The following HIPK2 variants were observed in gnomAD, a reference collection of about 807,000 sequenced individuals.
HIPK2 encodes homeodomain-interacting protein kinase 2.
HIPK2 carries 27 observed loss-of-function variants against 113.7 expected under a neutral mutation model. The ratio of observed to expected loss-of-function variants is 0.24; its 90% CI spans 0.17 to 0.33. The LOEUF is 0.33. Ranked by LOEUF, HIPK2 falls within the 10% of genes least tolerant of loss-of-function variation. The pLI is 1.00. For missense variants in HIPK2, 1,257 were observed against 1,588.0 expected (o/e 0.79, Z 3.54); for synonymous variants, 631 against 642.2 (o/e 0.98, Z 0.26).
chr7:139,573,923 C>T (rs982377462), intron 14 of HIPK2, among the ~76,000 whole-genome samples: 3 of 152,024 alleles, frequency 2.0e-5, no homozygotes, highest in South Asian at 2.1e-4. Flanking sequence ...GGATGATACA[C>T]GGATAAAGCC....
At chr7:139,666,983 C>A (rs1306258253) in intron 2 of HIPK2, among the ~76,000 whole-genome samples, 2 of 151,934 alleles carry the variant, frequency 1.3e-5, no homozygotes, top group African/African-American at 2.4e-5. Context: ...ATCGCTTGAA[C>A]CTTGTTGGGG....
intron 13 of HIPK2, among the ~76,000 whole-genome samples, chr7:139,578,836 A>G (rs747688988): frequency 5.3e-5 from 8 of 151,748 alleles, no homozygotes; most frequent in Non-Finnish European, 1.2e-4. Flanking sequence ...AAACCTGGCT[A>G]TTTTTTGTAT....
At position 139,614,166 on chromosome 7, in the gene HIPK2, T is replaced by C. The variant is rs949962931; in HGVS notation, c.1990+120A>G. 4.1e-6 allele frequency: 4 copies of C among 986,384 alleles called. No homozygotes were observed. The African/African-American group carries it at 6.7e-5, about 17-fold the overall frequency. The allele number at this position is 986,384 out of a possible 1,614,324, so 61.1% of individuals were successfully genotyped here. A position where few individuals can be genotyped will look rare whatever the true frequency, so the allele number is the denominator to read the frequency against. ...AGTTCAGTGATACCAGCGCTCTCACTGGAAGAAATGAGGAGGGCCTTTCTC... is the reference window on the plus strand; with the variant it reads ...AGTTCAGTGATACCAGCGCTCTCACCGGAAGAAATGAGGAGGGCCTTTCTC... On this transcript the variant is annotated intron_variant, in intron 8 of 14. Transcript: ENST00000406875.
intron 12 of HIPK2, among the ~76,000 whole-genome samples, chr7:139,588,908 G>T (rs1398583352): frequency 1.3e-5 from 2 of 152,212 alleles, no homozygotes; most frequent in African/African-American, 4.8e-5. Context: ...GCTCCCGAGG[G>T]GAGGTGAGGA....
At chr7:139,666,757 C>T (rs962691069) in intron 2 of HIPK2, among the ~76,000 whole-genome samples, 1 of 152,072 alleles carries the variant, frequency 6.6e-6, no homozygotes, top group Non-Finnish European at 1.5e-5. Context: ...ATGAAGAAAA[C>T]AAAATTTAAA....
intron 2 of HIPK2, among the ~76,000 whole-genome samples, chr7:139,665,257 T>C (rs768810738): frequency 1.2e-4 from 18 of 152,170 alleles, no homozygotes; most frequent in Non-Finnish European, 2.1e-4. Flanking sequence ...CAGGCTGGTA[T>C]TGAACTCCTG....
At chr7:139,679,596 C>T (rs915297189) in intron 2 of HIPK2, among the ~76,000 whole-genome samples, 2 of 152,164 alleles carry the variant, frequency 1.3e-5, no homozygotes, top group Non-Finnish European at 2.9e-5. Context: ...GGGGAAAATT[C>T]CAGGAGAGCT....
intron 1 of HIPK2, among the ~76,000 whole-genome samples, chr7:139,737,835 A>C (rs1177340461): frequency 6.6e-6 from 1 of 152,266 alleles, no homozygotes; most frequent in Non-Finnish European, 1.5e-5. Context: ...TTTTACTCAC[A>C]GGAAATCTTT....
Position 139,600,461 on chromosome 7 carries a change from G to A in HIPK2, c.2391C>T (p.Ser797=), listed in dbSNP as rs775074236. ...GCTTACTCTTCCGGGAGGAGGTGGT[G>A]CTGGTTGGCTGCTGCCGCATCACGT... The part of the protein sequence containing the change: ...VAHVMRQQPT[S]TTSSRKSKQH... The change falls in exon 11 of 15, where the codon AGC becomes AGT. Residue 797 remains serine, a synonymous_variant. Coordinates refer to ENST00000406875, the MANE Select transcript of HIPK2 (RefSeq NM_022740.5). 3.1e-6 allele frequency: 5 copies of A among 1,613,784 alleles called. No homozygotes were observed. Among genetic ancestry groups the A allele is most frequent in the Non-Finnish European group, 4.2e-6 (5 of 1,179,906 alleles).
intron 7 of HIPK2, among the ~76,000 whole-genome samples, chr7:139,618,668 C>A (rs1483805082): frequency 6.6e-6 from 1 of 152,208 alleles, no homozygotes; most frequent in African/African-American, 2.4e-5. Context: ...GCCCCCCACC[C>A]CGCGTCTGGT....
chr7:139,702,351 G>A (rs2116855016), intron 2 of HIPK2, among the ~76,000 whole-genome samples: 1 of 152,306 alleles, frequency 6.6e-6, no homozygotes, highest in Non-Finnish European at 1.5e-5. Context: ...TGGAGACAGG[G>A]AAGCATCCTG....
chr7:139,613,270 C>A lies in HIPK2; in HGVS notation c.2044G>T (p.Ala682Ser), dbSNP rs774501853. 1.2e-6 allele frequency: 2 copies of A among 1,613,738 alleles called. No individual in the cohort carries two copies. Among genetic ancestry groups the A allele is most frequent in the Non-Finnish European group, 1.7e-6 (2 of 1,179,796 alleles). The change falls in exon 9 of 15, where the codon GCA (alanine) becomes TCA (serine). Residue 682 changes from alanine (A) to serine (S), a missense_variant. By Grantham distance (99) the Ala-to-Ser change is moderately conservative (BLOSUM62 1). Around this residue, in one of 5 missense-constraint regions of HIPK2, gnomAD observed 862 missense variants for 1,004.3 expected, o/e 0.86. Transcript: ENST00000406875. The surrounding 1 kb of genome is among the most constrained non-coding windows in gnomAD (Gnocchi z 4.2). Reference sequence around the variant, plus strand: ...GGGGCTTGAGTGACGATGGGAACTGCATTTTCCATTCGCACCGAGTAGCCA... The same window carrying A: ...GGGGCTTGAGTGACGATGGGAACTGAATTTTCCATTCGCACCGAGTAGCCA... Reference protein sequence around the residue: ...HAGYSVRMENAVPIVTQAPGA... With the variant: ...HAGYSVRMENSVPIVTQAPGA...
chr7:139,651,509 C>T (rs1322729789), intron 2 of HIPK2, among the ~76,000 whole-genome samples: 1 of 152,192 alleles, frequency 6.6e-6, no homozygotes, highest in African/African-American at 2.4e-5. Flanking sequence ...TAAGGCTGCC[C>T]TCTGCACGTG....
intron 1 of HIPK2, among the ~76,000 whole-genome samples, chr7:139,730,860 C>A (rs1426141902): frequency 6.6e-6 from 1 of 152,138 alleles, no homozygotes; most frequent in African/African-American, 2.4e-5. Context: ...AGAGGAGACA[C>A]AGACATACAC....
rs774477756 is a variant in HIPK2, at chr7:139,716,152, G to T, written c.883C>A (p.Pro295Thr). ...GGGCGAATGTATTTGAGGGGCAAGG[G>T]GCTAAACTTGTTTTGCTTCAGAAAG... ...YDFLKQNKFS[P>T]LPLKYIRPVL... The change falls in exon 2 of 15, where the codon CCC (proline) becomes ACC (threonine). Residue 295 changes from proline to threonine, a missense_variant. Transcript: ENST00000406875. The surrounding 1 kb of genome is among the most constrained non-coding windows in gnomAD (Gnocchi z 9.3). 6.2e-7 allele frequency: 1 copy of T among 1,613,992 alleles called. No homozygotes were observed.
chr7:139,730,522 G>A (rs570929336), intron 1 of HIPK2, among the ~76,000 whole-genome samples: 7 of 152,162 alleles, frequency 4.6e-5, no homozygotes, highest in East Asian at 1.9e-4. Context: ...CAACATGCCC[G>A]GCTAATTTTT....
intron 13 of HIPK2, among the ~76,000 whole-genome samples, chr7:139,578,421 C>T (rs1383328604): frequency 6.6e-6 from 1 of 152,088 alleles, no homozygotes; most frequent in African/African-American, 2.4e-5. Context: ...GTTGGGATTA[C>T]AGGCGTGAGC....
At chr7:139,666,915 G>C (rs1802067517) in intron 2 of HIPK2, among the ~76,000 whole-genome samples, 1 of 152,070 alleles carries the variant, frequency 6.6e-6, no homozygotes, top group African/African-American at 2.4e-5. Context: ...ACAAAAATTA[G>C]CTGGGTGTAG....
intron 2 of HIPK2, among the ~76,000 whole-genome samples, chr7:139,666,440 G>A (rs151019102): frequency 6.6e-6 from 1 of 152,294 alleles, no homozygotes; most frequent in East Asian, 1.9e-4. Flanking sequence ...CAAAGATTAG[G>A]TGCCAAAATG....
Sources: allele counts gnomAD v4.1 joint callset (sites outside exome capture counted in the v4.1 genomes callset), GRCh38; gene constraint gnomAD v4.1.1; regional missense constraint gnomAD v4.1.1; non-coding constraint Gnocchi (gnomAD v3.1); transcripts MANE v1.5; gene names NCBI Gene and HGNC (gene_info 2026-07-23, HGNC 2026-07-21).